NRDC: variants seen among roughly 807,000 people sequenced by gnomAD.
NRDC encodes the protein nardilysin convertase.
NRDC carries 54 observed loss-of-function variants against 147.1 expected under a neutral mutation model. That is an observed-to-expected ratio of 0.37 (90% confidence interval 0.29 to 0.46). The LOEUF (loss-of-function observed/expected upper bound fraction) is 0.46, where lower values mean the gene tolerates loss of function less well. Ranked by LOEUF, NRDC falls within the 20% of genes least tolerant of loss-of-function variation. The pLI is 1.00. For missense variants in NRDC, 1,082 were observed against 1,370.6 expected, an observed-to-expected ratio of 0.79 and a Z score of 3.33; for synonymous variants, 440 against 482.1, an observed-to-expected ratio of 0.91 and a Z score of 1.14.
intron 1 of NRDC, among the ~76,000 whole-genome samples, chr1:51,847,502 G>A (rs1681707628): frequency 6.6e-6 from 1 of 152,234 alleles, no homozygotes; most frequent in Non-Finnish European, 1.5e-5. Context: ...ACGGCGGGCT[G>A]CAGGTCCCGA....
intron 1 of NRDC, among the ~76,000 whole-genome samples, chr1:51,856,640 C>A (rs1682257749): frequency 6.6e-6 from 1 of 152,126 alleles, no homozygotes; most frequent in African/African-American, 2.4e-5. Flanking sequence ...CCTCCAAGAA[C>A]CTCCACGTGT....
At chr1:51,860,952 T>C (rs562092817) in intron 1 of NRDC, among the ~76,000 whole-genome samples, 57 of 124,648 alleles carry the variant, frequency 4.6e-4, no homozygotes, top group African/African-American at 1.8e-3. Context: ...GTATTACTTC[T>C]TTTTTTTTTT....
chr1:51,858,259 C>T (rs758924591), intron 1 of NRDC, among the ~76,000 whole-genome samples: 13 of 152,024 alleles, frequency 8.6e-5, no homozygotes, highest in Non-Finnish European at 5.9e-5. Context: ...GCAGGAAGAT[C>T]GCTTGAGCAC....
chr1:51,798,833 T>G (rs1282624893), intron 21 of NRDC: 1 of 153,768 alleles, frequency 6.5e-6, no homozygotes. Flanking sequence ...ACGGCTCTGG[T>G]CCAGAATCAG....
Position 51,836,218 on chromosome 1 carries a change from G to A in NRDC, c.631-6C>T, listed in dbSNP as rs771406209. The A allele has an allele frequency of 3.1e-6, 5 of 1,613,724 alleles. No homozygotes were observed. Among genetic ancestry groups the A allele is most frequent in the Non-Finnish European group, 4.2e-6 (5 of 1,179,634 alleles). ...ACACAAAGAGCCGCTGCAGACTGGA[G>A]TAATTAGAACACATACAAATAGTTG... On this transcript the variant is annotated splice_region_variant and splice_polypyrimidine_tract_variant and intron_variant, in intron 2 of 30. Coordinates refer to ENST00000352171, the MANE Select transcript of NRDC (RefSeq NM_001101662.2).
At chr1:51,818,216 T>C (rs1224027839) in intron 9 of NRDC, 81 bp from the exon 10 acceptor site, 3 of 887,470 alleles carry the variant, frequency 3.4e-6, no homozygotes, top group Non-Finnish European at 5.1e-6. Flanking sequence ...AAATTCAATA[T>C]ATTTATCCTC....
At position 51,789,662 on chromosome 1, in the gene NRDC, C is replaced by T. The variant is rs1375803616; in HGVS notation, c.3169-5G>A. ...GAATGACTTCAGTGCTTCAATCTTA[C>T]AAGGGAAGGGAAGATAGGAAAGAAA... On this transcript the variant is annotated splice_polypyrimidine_tract_variant and splice_region_variant and intron_variant, in intron 29 of 30. Transcript: ENST00000352171. The T allele has an allele frequency of 3.7e-6, 6 of 1,601,630 alleles. No individual in the cohort carries two copies. The highest frequency in any genetic ancestry group is 3.3e-5 in the Admixed American group (2 of 59,992).
At chr1:51,833,440 TAAAA>T (rs34771592) in intron 4 of NRDC, among the ~76,000 whole-genome samples, 2 of 121,460 alleles carry the variant, frequency 1.6e-5, no homozygotes, top group Non-Finnish European at 3.5e-5. Context: ...CCATATCTCT[TAAAA>T]AAAAAAAAAA....
intron 29 of NRDC, 138 bp downstream of exon 29, chr1:51,790,395 G>C: frequency 1.5e-6 from 1 of 686,866 alleles, no homozygotes; most frequent in Non-Finnish European, 2.6e-6. Flanking sequence ...GAAAACTCAG[G>C]AAGTGAGCGA....
rs1198518811 is a variant in NRDC, at chr1:51,795,199, G to A, written c.2605-345C>T. The stretch of plus-strand genomic sequence containing the variant: ...TATGTTTCAGAATCCTGGGCCCATT[G>A]ACATAGAACCTGGATAAAGCAAAGA... On this transcript the variant is annotated intron_variant, in intron 22 of 30. Transcript: ENST00000352171. 6 of 1,329,328 alleles carry A rather than the reference G, an allele frequency of 4.5e-6. No homozygotes were observed. The Admixed American group carries it at 6.7e-5, about 15-fold the overall frequency. The allele number at this position is 1,329,328 out of a possible 1,614,324, so 82.3% of individuals were successfully genotyped here.
intron 14 of NRDC, 64 bp downstream of exon 14, chr1:51,813,971 C>A: frequency 1.9e-6 from 2 of 1,045,500 alleles, no homozygotes; most frequent in South Asian, 1.4e-5. Flanking sequence ...AAAAGAGGAA[C>A]AATGTCTACA....
chr1:51,794,696 A>C, intron 23 of NRDC, 86 bp from the exon 24 acceptor site: 1 of 1,587,444 alleles, frequency 6.3e-7, no homozygotes, highest in Non-Finnish European at 8.6e-7. Flanking sequence ...CTTGTACACC[A>C]GCCTCAAAAA....
chr1:51,800,776 C>CA, intron 20 of NRDC, 93 bp from the exon 21 acceptor site: 1 of 1,256,112 alleles, frequency 8.0e-7, no homozygotes, highest in East Asian at 2.3e-5. Flanking sequence ...ACCAGGTACC[C>CA]AGCATGGAAC....
chr1:51,827,737 A>G (rs1217602536), intron 5 of NRDC, 59 bp downstream of exon 5: 10 of 1,286,844 alleles, frequency 7.8e-6, no homozygotes, highest in East Asian at 6.9e-5. Context: ...GATAAATGTA[A>G]TAAGTAACTG....
chr1:51,871,069 C>T (rs1377155021), intron 1 of NRDC, among the ~76,000 whole-genome samples: 4 of 152,142 alleles, frequency 2.6e-5, no homozygotes, highest in African/African-American at 7.2e-5. Flanking sequence ...GCAATCCCAG[C>T]ACTTTGGGAG....
chr1:51,803,756 CTAAA>C, intron 20 of NRDC, 54 bp downstream of exon 20: 1 of 1,412,556 alleles, frequency 7.1e-7, no homozygotes, highest in Non-Finnish European at 9.8e-7. Context: ...GCACAAACCT[CTAAA>C]TAAATATGGT....
chr1:51,827,345 C>T (rs1341120695), intron 5 of NRDC, among the ~76,000 whole-genome samples: 1 of 152,134 alleles, frequency 6.6e-6, no homozygotes, highest in Non-Finnish European at 1.5e-5. Context: ...CAAGCCTAAC[C>T]TATATGAACT....
At chr1:51,827,114 C>T (rs932619599) in intron 5 of NRDC, among the ~76,000 whole-genome samples, 1 of 152,162 alleles carries the variant, frequency 6.6e-6, no homozygotes, top group Non-Finnish European at 1.5e-5. Context: ...GGAGCTTAAC[C>T]ATTCCATCCT....
intron 4 of NRDC, among the ~76,000 whole-genome samples, chr1:51,831,676 T>A (rs1680717185): frequency 6.6e-6 from 1 of 151,836 alleles, no homozygotes; most frequent in African/African-American, 2.4e-5. Context: ...TCTCCCAGGT[T>A]CAAGCAATTC....
Sources: allele counts gnomAD v4.1 joint callset (sites outside exome capture counted in the v4.1 genomes callset), GRCh38; gene constraint gnomAD v4.1.1; transcripts MANE v1.5; gene names NCBI Gene and HGNC (gene_info 2026-07-23, HGNC 2026-07-21).